LRIG2: variants seen among roughly 807,000 people sequenced by gnomAD.
LRIG2 encodes leucine rich repeats and immunoglobulin like domains 2.
Under a neutral mutation model 107.8 loss-of-function variants are expected in LRIG2, and 93 were observed. That is an observed-to-expected ratio of 0.86 (90% CI 0.73 to 1.03). The LOEUF is 1.03. Among genes scored for constraint, LRIG2 ranks in the 50% least tolerant of loss-of-function variants. The pLI, the probability that LRIG2 is intolerant of heterozygous loss-of-function variation, is 0.00. For missense variants in LRIG2, 1,226 were observed against 1,296.0 expected, an observed-to-expected ratio of 0.95 and a Z score of 0.83; for synonymous variants, 471 against 470.6, an observed-to-expected ratio of 1.00 and a Z score of -0.01.
At chr1:113,117,601 A>G (rs1655073770) in intron 16 of LRIG2, among the ~76,000 whole-genome samples, 1 of 151,960 alleles carries the variant, frequency 6.6e-6, no homozygotes, top group South Asian at 2.1e-4. Flanking sequence ...CCTCTGCCTC[A>G]GCCTCCTAAG....
In LRIG2 at chr1:113,131,877, T is replaced by C. The variant is rs1655713842; in HGVS notation, c.*7776T>C. ...AATAGGGTGAAGGTGAAGAAACAGCTTGACTTGTGCCTGTTTTCAGATAAA... is the reference window on the plus strand; with the variant it reads ...AATAGGGTGAAGGTGAAGAAACAGCCTGACTTGTGCCTGTTTTCAGATAAA... On this transcript the variant is annotated 3_prime_UTR_variant, in exon 18 of 18. Coordinates refer to ENST00000361127, the MANE Select transcript of LRIG2 (RefSeq NM_014813.3). The C allele has an allele frequency of 6.6e-6, 1 of 151,864 alleles. No individual in the cohort carries two copies. The allele number at this position is 151,864 out of a possible 1,614,324, so 9.4% of individuals were successfully genotyped here. A position where few individuals can be genotyped will look rare whatever the true frequency, so the allele number is the denominator to read the frequency against.
chr1:113,100,148 T>C (rs1454192020), intron 9 of LRIG2, 63 bp from the exon 10 acceptor site: 1 of 982,402 alleles, frequency 1.0e-6, no homozygotes, highest in Non-Finnish European at 1.5e-6. Flanking sequence ...TATAGGTAAA[T>C]GTTTAATGAA....
chr1:113,082,762 T>C (rs1557897392), intron 1 of LRIG2, among the ~76,000 whole-genome samples: 1 of 152,226 alleles, frequency 6.6e-6, no homozygotes, highest in East Asian at 1.9e-4. Context: ...CAAGCAATTC[T>C]CCTGCCTCAG....
At chr1:113,077,391 C>G (rs1653029394) in intron 1 of LRIG2, among the ~76,000 whole-genome samples, 1 of 152,194 alleles carries the variant, frequency 6.6e-6, no homozygotes, top group South Asian at 2.1e-4. Context: ...ATCCGCCCAC[C>G]TTGGCCTCCC....
intron 1 of LRIG2, among the ~76,000 whole-genome samples, chr1:113,079,175 T>C (rs531205417): frequency 4.0e-5 from 6 of 151,316 alleles, no homozygotes; most frequent in African/African-American, 1.5e-4. Flanking sequence ...CAAAACCCAC[T>C]GTCTGTCAAA....
At chr1:113,084,304 C>T (rs1416405783) in intron 1 of LRIG2, among the ~76,000 whole-genome samples, 1 of 151,064 alleles carries the variant, frequency 6.6e-6, no homozygotes, top group East Asian at 1.9e-4. Flanking sequence ...CAACCTCTGC[C>T]TCCCGGGTTC....
At chr1:113,090,366 A>G (rs1653747220) in intron 1 of LRIG2, among the ~76,000 whole-genome samples, 1 of 152,250 alleles carries the variant, frequency 6.6e-6, no homozygotes, top group African/African-American at 2.4e-5. Context: ...ACACTTTTTG[A>G]TAATTGGACC....
intron 12 of LRIG2, among the ~76,000 whole-genome samples, chr1:113,108,790 T>A (rs1455199522): frequency 1.3e-5 from 2 of 152,062 alleles, no homozygotes; most frequent in East Asian, 3.9e-4. Context: ...GGCAGGAGAA[T>A]CGCTTGAACC....
At chr1:113,107,791 C>T (rs1416778951) in intron 12 of LRIG2, 34 bp downstream of exon 12, 2 of 1,553,186 alleles carry the variant, frequency 1.3e-6, no homozygotes, top group Non-Finnish European at 1.8e-6. Context: ...TTATATATTA[C>T]ACACTTATAA....
At chr1:113,113,644 C>T (rs1236791041) in intron 14 of LRIG2, among the ~76,000 whole-genome samples, 1 of 151,580 alleles carries the variant, frequency 6.6e-6, no homozygotes, top group Admixed American at 6.6e-5. Flanking sequence ...CTCAGAGCAA[C>T]CTCCACTTCC....
At chr1:113,098,558 G>T (rs1654166861) in intron 8 of LRIG2, 147 bp from the exon 9 acceptor site, 1 of 584,912 alleles carries the variant, frequency 1.7e-6, no homozygotes, top group Admixed American at 2.9e-5. Context: ...TTCTTAAGAA[G>T]CAGAGTTGAG....
At chr1:113,113,343 T>G (rs1654853446) in intron 14 of LRIG2, among the ~76,000 whole-genome samples, 1 of 151,652 alleles carries the variant, frequency 6.6e-6, no homozygotes, top group Admixed American at 6.6e-5. Context: ...GGGTTTTTTT[T>G]GTTGTTGTTG....
At chr1:113,084,113 C>T (rs1298180019) in intron 1 of LRIG2, among the ~76,000 whole-genome samples, 1 of 150,138 alleles carries the variant, frequency 6.7e-6, no homozygotes, top group African/African-American at 2.4e-5. Context: ...ATTAATCTTC[C>T]CTAGTGAGGC....
chr1:113,104,799 G>A (rs1278434654), intron 11 of LRIG2, among the ~76,000 whole-genome samples: 3 of 152,068 alleles, frequency 2.0e-5, no homozygotes, highest in South Asian at 4.1e-4. Flanking sequence ...TATTTTAGAC[G>A]TGATACTGAA....
intron 1 of LRIG2, among the ~76,000 whole-genome samples, chr1:113,083,655 C>G (rs542964797): frequency 9.2e-5 from 14 of 151,698 alleles, no homozygotes; most frequent in African/African-American, 3.1e-4. Flanking sequence ...CAGCTGCACA[C>G]TTTTAAGCCA....
At chr1:113,104,560 T>C (rs974686483) in intron 11 of LRIG2, among the ~76,000 whole-genome samples, 1 of 151,054 alleles carries the variant, frequency 6.6e-6, no homozygotes, top group Admixed American at 6.6e-5. Context: ...CTCTGTCACA[T>C]AGGCTGGAGT....
intron 1 of LRIG2, among the ~76,000 whole-genome samples, chr1:113,075,332 A>G (rs1173416661): frequency 1.3e-5 from 2 of 152,204 alleles, no homozygotes; most frequent in Non-Finnish European, 2.9e-5. Flanking sequence ...TTTAAGAAGT[A>G]TTTATATATT....
At position 113,111,160 on chromosome 1, in the gene LRIG2, C is replaced by T. The variant is rs528849273; in HGVS notation, c.1798+598C>T. Among the ~76,000 whole-genome samples the T allele has an allele frequency of 5.7e-4, 87 of 152,168 alleles. 1 individual carries two copies. The highest frequency in any genetic ancestry group is 2.1e-3 in the African/African-American group (86 of 41,534). On this transcript the variant is annotated intron_variant, in intron 13 of 17. Transcript: ENST00000361127. The stretch of plus-strand genomic sequence containing the variant: ...AGTGATTCTCCTGTCTCCTGTAATT[C>T]GAGTAGCTGGAATTACAGATGTGCG...
At chr1:113,087,926 A>G (rs1653631033) in intron 1 of LRIG2, among the ~76,000 whole-genome samples, 1 of 152,230 alleles carries the variant, frequency 6.6e-6, no homozygotes, top group Non-Finnish European at 1.5e-5. Context: ...AAAGGTTACT[A>G]AAGTTGACAG....
Sources: allele counts gnomAD v4.1 joint callset (sites outside exome capture counted in the v4.1 genomes callset), GRCh38; gene constraint gnomAD v4.1.1; transcripts MANE v1.5; gene names NCBI Gene and HGNC (gene_info 2026-07-23, HGNC 2026-07-21).